PRKCB: variants seen among roughly 807,000 people sequenced by gnomAD.
PRKCB encodes the protein protein kinase C beta, also known as protein kinase C beta type.
A neutral mutation model predicts 81.5 loss-of-function variants in PRKCB; 13 were observed. The observed-to-expected ratio is 0.16, with a 90% CI of 0.10 to 0.25. PRKCB has a LOEUF of 0.25. PRKCB is among the 10% of genes least tolerant of loss of function. The pLI, the probability that PRKCB is intolerant of heterozygous loss-of-function variation, is 1.00. For missense variants in PRKCB, 509 were observed against 875.7 expected, an observed-to-expected ratio of 0.58 and a Z score of 5.29; for synonymous variants, 335 against 321.4, an observed-to-expected ratio of 1.04 and a Z score of -0.45.
At chr16:24,029,021 C>G (rs953438047) in intron 3 of PRKCB, among the ~76,000 whole-genome samples, 3 of 152,138 alleles carry the variant, frequency 2.0e-5, no homozygotes, top group Admixed American at 6.5e-5. Flanking sequence ...GAACTCCTGA[C>G]CTCAAGCGAT....
At chr16:24,096,661 AAAAAAATATATATATATATATATATAT>A (rs1402096300) in intron 7 of PRKCB, among the ~76,000 whole-genome samples, 2 of 49,212 alleles carry the variant, frequency 4.1e-5, no homozygotes, top group Non-Finnish European at 8.2e-5. Context: ...GCAAAAAAAA[AAAAAAATATATATATATATATATATAT>A]ATATATATAT....
intron 2 of PRKCB, among the ~76,000 whole-genome samples, chr16:23,887,407 C>T (rs1963220852): frequency 6.6e-6 from 1 of 152,166 alleles, no homozygotes; most frequent in Admixed American, 6.6e-5. Flanking sequence ...TCTGTGTATA[C>T]CCCTTGTTTA....
chr16:24,215,796 ATTTGTTACAAATCTAGG>A lies in PRKCB; in HGVS notation c.*989_*1005del. 1 of 985,796 alleles carries A rather than the reference ATTTGTTACAAATCTAGG, an allele frequency of 1.0e-6. No homozygotes were observed. The highest frequency in any genetic ancestry group is 1.2e-6 in the Non-Finnish European group (1 of 829,920). The allele number at this position is 985,796 out of a possible 1,614,324, so 61.1% of individuals were successfully genotyped here. On this transcript the variant is annotated 3_prime_UTR_variant, in exon 17 of 17. Transcript: ENST00000643927. ...GCAGACTCAGGCCTGTGGGAATGGGATTTGTTACAAATCTAGGTTTGTTACTGGCTTCAGAAAGCTAA... is the reference window on the plus strand; with the variant it reads ...GCAGACTCAGGCCTGTGGGAATGGGATTTGTTACTGGCTTCAGAAAGCTAA...
chr16:24,200,153 C>T (rs1055289878), intron 16 of PRKCB, among the ~76,000 whole-genome samples: 1 of 152,198 alleles, frequency 6.6e-6, no homozygotes, highest in Non-Finnish European at 1.5e-5. Flanking sequence ...ATTGACTAAC[C>T]TCTGAAAGAA....
intron 5 of PRKCB, among the ~76,000 whole-genome samples, chr16:24,040,967 T>C (rs941682755): frequency 1.3e-5 from 2 of 152,146 alleles, no homozygotes; most frequent in Non-Finnish European, 2.9e-5. Context: ...ATAGGTGTCA[T>C]GAGATCAGGC....
intron 5 of PRKCB, among the ~76,000 whole-genome samples, chr16:24,090,479 A>C (rs1489611824): frequency 6.6e-6 from 1 of 152,184 alleles, no homozygotes; most frequent in African/African-American, 2.4e-5. Context: ...TTTGAATTTA[A>C]GTAGGGCTGG....
intron 3 of PRKCB, among the ~76,000 whole-genome samples, chr16:24,016,384 T>C (rs1410198169): frequency 6.6e-6 from 1 of 152,026 alleles, no homozygotes; most frequent in African/African-American, 2.4e-5. Flanking sequence ...TAAGAGCTGC[T>C]GGCCTGGCTA....
intron 7 of PRKCB, among the ~76,000 whole-genome samples, chr16:24,097,899 A>G (rs1966463467): frequency 6.6e-6 from 1 of 152,222 alleles, no homozygotes; most frequent in Non-Finnish European, 1.5e-5. Context: ...AAGTTTTATC[A>G]TGAAGATGAA....
chr16:24,010,912 A>G (rs919953772), intron 3 of PRKCB, among the ~76,000 whole-genome samples: 1 of 151,912 alleles, frequency 6.6e-6, no homozygotes, highest in Admixed American at 6.6e-5. Context: ...TGTGTTGCCT[A>G]CGAGTGCAAT....
intron 2 of PRKCB, among the ~76,000 whole-genome samples, chr16:23,863,165 T>C (rs1157641585): frequency 1.4e-5 from 2 of 146,448 alleles, no homozygotes; most frequent in African/African-American, 2.5e-5. Flanking sequence ...TACACATGCA[T>C]ATATATGTAT....
At chr16:23,933,143 G>A (rs1419063595) in intron 2 of PRKCB, among the ~76,000 whole-genome samples, 1 of 152,204 alleles carries the variant, frequency 6.6e-6, no homozygotes, top group Non-Finnish European at 1.5e-5. Context: ...CCCTTTCAGT[G>A]ATTGGTCTGG....
At chr16:24,141,832 G>T (rs1966905896) in intron 9 of PRKCB, among the ~76,000 whole-genome samples, 1 of 152,158 alleles carries the variant, frequency 6.6e-6, no homozygotes, top group African/African-American at 2.4e-5. Context: ...TTCACTCTGG[G>T]CTTTGTGTAA....
rs1567395933 is a variant in PRKCB, at chr16:24,158,541, A to ATAAGTATAT, written c.1239+3684_1239+3685insTAAGTATAT. 4.7e-5 allele frequency among the ~76,000 whole-genome samples: 5 copies of ATAAGTATAT among 105,686 alleles called. No homozygotes were observed. The East Asian group carries it at 1.4e-3, about 30-fold the overall frequency. The allele number at this position is 105,686 out of a possible 152,430, so 69.3% of individuals were successfully genotyped here. A position where few individuals can be genotyped will look rare whatever the true frequency, so the allele number is the denominator to read the frequency against. On this transcript the variant is annotated intron_variant, in intron 10 of 16. Coordinates refer to ENST00000643927, the MANE Select transcript of PRKCB (RefSeq NM_002738.7). Reference sequence around the variant, plus strand: ...TTTTAAAAAAACATGTATATGTATAAGTATATGTATATGTATATGTATATG... The same window carrying ATAAGTATAT: ...TTTTAAAAAAACATGTATATGTATAATAAGTATATGTATATGTATATGTATATGTATATG...
intron 3 of PRKCB, among the ~76,000 whole-genome samples, chr16:24,006,426 C>A (rs147323337): frequency 2.0e-4 from 31 of 152,190 alleles, no homozygotes; most frequent in African/African-American, 7.0e-4. Flanking sequence ...ATATTAGCTC[C>A]CCATCCGAGG....
At chr16:23,913,339 C>CAA (rs1172640933) in intron 2 of PRKCB, among the ~76,000 whole-genome samples, 4 of 143,396 alleles carry the variant, frequency 2.8e-5, no homozygotes, top group Admixed American at 1.4e-4. Flanking sequence ...CAAATCATGT[C>CAA]AAAAAAAAAA....
chr16:24,043,982 A>G (rs1228008991), intron 5 of PRKCB, among the ~76,000 whole-genome samples: 1 of 152,206 alleles, frequency 6.6e-6, no homozygotes, highest in African/African-American at 2.4e-5. Context: ...ATGTTTATTG[A>G]TGTTTTCTTT....
At chr16:24,095,836 G>A (rs774122831) in intron 7 of PRKCB, among the ~76,000 whole-genome samples, 1 of 151,848 alleles carries the variant, frequency 6.6e-6, no homozygotes, top group African/African-American at 2.4e-5. Context: ...TCTTATCTGC[G>A]GGGGTCATTG....
intron 2 of PRKCB, among the ~76,000 whole-genome samples, chr16:23,898,092 G>A (rs1448160464): frequency 6.1e-5 from 9 of 148,112 alleles, no homozygotes; most frequent in Non-Finnish European, 1.3e-4. Context: ...TTGAGACAGA[G>A]TCTTGCTCTG....
At chr16:24,043,185 C>A (rs1257778741) in intron 5 of PRKCB, among the ~76,000 whole-genome samples, 1 of 152,198 alleles carries the variant, frequency 6.6e-6, no homozygotes, top group East Asian at 1.9e-4. Context: ...TATGTCCCCA[C>A]ACACTGCACT....
Sources: gnomAD v4.1 joint callset for allele counts (sites outside exome capture counted in the v4.1 genomes callset) on GRCh38, gnomAD v4.1.1 for gene constraint, MANE v1.5 for transcripts, NCBI Gene and HGNC (gene_info 2026-07-23, HGNC 2026-07-21) for gene names.